GALNT13: variants seen among roughly 807,000 people sequenced by gnomAD.
GALNT13 encodes the protein UDP-GalNAc:polypeptide N-acetylgalactosaminyltransferase 13.
In GALNT13, 28 loss-of-function variants were observed where a neutral mutation model predicts 64.2. The observed-to-expected ratio is 0.44, with a 90% CI of 0.32 to 0.60. The LOEUF (loss-of-function observed/expected upper bound fraction) is 0.60, where lower values mean the gene tolerates loss of function less well. Among genes scored for constraint, GALNT13 ranks in the 20% least tolerant of loss-of-function variants. The probability of loss-of-function intolerance (pLI) is 0.05; values close to 1 mark genes in which losing one functional copy is unlikely to be tolerated. For synonymous variants in GALNT13, 214 were observed against 224.6 expected, an observed-to-expected ratio of 0.95 and a Z score of 0.42; for missense variants, 577 against 669.8, an observed-to-expected ratio of 0.86 and a Z score of 1.53.
chr2:153,737,266 A>G, the GALNT13 span, among the ~76,000 whole-genome samples: 1 of 152,104 alleles, frequency 6.6e-6, no homozygotes, highest in Non-Finnish European at 1.5e-5. Flanking sequence ...TGAAAGTGTT[A>G]TTATATTTTT....
At chr2:153,148,669 C>T in the GALNT13 span, among the ~76,000 whole-genome samples, 1 of 151,554 alleles carries the variant, frequency 6.6e-6, no homozygotes, top group Non-Finnish European at 1.5e-5. Context: ...AGTGCTATCA[C>T]TTAGATTCCA....
the GALNT13 span, among the ~76,000 whole-genome samples, chr2:153,192,522 A>C: frequency 6.6e-6 from 1 of 152,058 alleles, no homozygotes; most frequent in Non-Finnish European, 1.5e-5. Flanking sequence ...ATTTGGTCTA[A>C]AGTGCAGTTT....
chr2:154,227,246 CT>C (rs1158277809), intron 4 of GALNT13, among the ~76,000 whole-genome samples: 1 of 152,012 alleles, frequency 6.6e-6, no homozygotes, highest in Non-Finnish European at 1.5e-5. Flanking sequence ...AAAAGGGTGA[CT>C]TTTTCTGGAT....
chr2:154,432,431 A>T (rs574501744), intron 11 of GALNT13, among the ~76,000 whole-genome samples: 31 of 152,322 alleles, frequency 2.0e-4, no homozygotes, highest in Admixed American at 6.5e-4. Flanking sequence ...TTCAACCAGC[A>T]TGAGGAGGAA....
chr2:154,354,333 C>T (rs1165611594), intron 9 of GALNT13, among the ~76,000 whole-genome samples: 2 of 150,702 alleles, frequency 1.3e-5, no homozygotes, highest in Non-Finnish European at 3.0e-5. Context: ...ATTTTTCCCA[C>T]TCCACAGGTT....
rs202224625 is a variant in GALNT13, at chr2:154,045,954, G to GT, written c.143-94374dup. ...AGTCTTTTTTTTCCTGTTCAATACA[G>GT]TTTTTTTTTGCTTGTTCATTTTTTT... On this transcript the variant is annotated intron_variant, in intron 3 of 12. Coordinates refer to ENST00000392825, the MANE Select transcript of GALNT13 (RefSeq NM_052917.4). Among the ~76,000 whole-genome samples the GT allele has an allele frequency of 7.2e-3, 1,079 of 150,474 alleles. 10 individuals carry two copies. Among genetic ancestry groups the GT allele is most frequent in the Non-Finnish European group, 0.011 (775 of 67,506 alleles).
chr2:154,430,928 T>C (rs1421443322), intron 11 of GALNT13, among the ~76,000 whole-genome samples: 1 of 152,204 alleles, frequency 6.6e-6, no homozygotes, highest in Admixed American at 6.5e-5. Flanking sequence ...TTAAGGAATA[T>C]ACATTGTTTT....
chr2:154,329,808 A>T (rs1695070860), intron 9 of GALNT13, among the ~76,000 whole-genome samples: 1 of 151,428 alleles, frequency 6.6e-6, no homozygotes, highest in African/African-American at 2.4e-5. Context: ...CTGGCACCAC[A>T]CCTCTGCCTC....
the GALNT13 span, among the ~76,000 whole-genome samples, chr2:153,739,556 AT>A: frequency 1.4e-4 from 12 of 87,846 alleles, no homozygotes; most frequent in South Asian, 3.2e-4. Flanking sequence ...ATTTTTATTT[AT>A]TTATTATTTT....
the GALNT13 span, among the ~76,000 whole-genome samples, chr2:153,536,081 C>G: frequency 6.6e-6 from 1 of 152,134 alleles, no homozygotes; most frequent in African/African-American, 2.4e-5. Flanking sequence ...TTAGGAGAAA[C>G]TTTTTAAGAA....
At chr2:153,494,402 A>T in the GALNT13 span, among the ~76,000 whole-genome samples, 1 of 152,034 alleles carries the variant, frequency 6.6e-6, no homozygotes, top group Admixed American at 6.5e-5. Flanking sequence ...TTGGCAACAA[A>T]AGGATAGATA....
At chr2:153,827,612 C>T in the GALNT13 span, among the ~76,000 whole-genome samples, 279 of 126,536 alleles carry the variant, frequency 2.2e-3, 1 homozygote, top group Middle Eastern at 8.8e-3. Context: ...GGCAACAGAG[C>T]GAGACTCCGT....
chr2:153,637,306 T>C, the GALNT13 span, among the ~76,000 whole-genome samples: 1 of 152,168 alleles, frequency 6.6e-6, no homozygotes, highest in Non-Finnish European at 1.5e-5. Flanking sequence ...AAGCAAAAGA[T>C]ACTGCAATCT....
At chr2:154,437,478 C>G in intron 11 of GALNT13, 14 of 1,175,436 alleles carry the variant, frequency 1.2e-5, no homozygotes, top group Non-Finnish European at 1.5e-5. Flanking sequence ...GTTGACATTG[C>G]AAGGAGAAAG....
chr2:153,085,404 G>A, the GALNT13 span, among the ~76,000 whole-genome samples: 5 of 152,228 alleles, frequency 3.3e-5, no homozygotes, highest in African/African-American at 7.2e-5. Flanking sequence ...TCCATCACAC[G>A]CCTGGAGGCC....
chr2:153,227,815 T>C, the GALNT13 span, among the ~76,000 whole-genome samples: 2 of 152,230 alleles, frequency 1.3e-5, no homozygotes, highest in Admixed American at 1.3e-4. Context: ...TTTCTACATA[T>C]TATACTTTGA....
At chr2:154,448,906 T>G (rs1404981517) in intron 12 of GALNT13, among the ~76,000 whole-genome samples, 1 of 152,016 alleles carries the variant, frequency 6.6e-6, no homozygotes, top group South Asian at 2.1e-4. Context: ...TATGCAATGG[T>G]AAGTGATATT....
chr2:153,448,983 T>C, the GALNT13 span, among the ~76,000 whole-genome samples: 1 of 152,132 alleles, frequency 6.6e-6, no homozygotes, highest in Non-Finnish European at 1.5e-5. Context: ...GTGTGCACTT[T>C]CTGTCTTTCT....
chr2:153,082,594 TATATATATATATATATATATATATAC>T, the GALNT13 span, among the ~76,000 whole-genome samples: 5 of 42,470 alleles, frequency 1.2e-4, no homozygotes, highest in East Asian at 1.7e-3. Context: ...TATATATATA[TATATATATATATATATATATATATAC>T]ACACACACAC....
Sources: gnomAD v4.1 joint callset for allele counts (sites outside exome capture counted in the v4.1 genomes callset) on GRCh38, gnomAD v4.1.1 for gene constraint, MANE v1.5 for transcripts, NCBI Gene and HGNC (gene_info 2026-07-23, HGNC 2026-07-21) for gene names.